SLC29A4: variants seen among roughly 807,000 people sequenced by gnomAD.
SLC29A4 encodes equilibrative nucleoside transporter 4.
In SLC29A4, 36 loss-of-function variants were observed where a neutral mutation model predicts 43.9. The observed-to-expected ratio is 0.82, with a 90% CI of 0.63 to 1.08. The LOEUF is 1.08. Ranked by LOEUF, SLC29A4 falls within the 50% of genes least tolerant of loss-of-function variation. The pLI, the probability that SLC29A4 is intolerant of heterozygous loss-of-function variation, is 0.00. For missense variants in SLC29A4, 869 were observed against 755.3 expected (o/e 1.15, Z -1.77); for synonymous variants, 491 against 338.0 (o/e 1.45, Z -4.97).
Position 5,302,845 on chromosome 7 carries a change from C to A in SLC29A4, c.1499C>A (p.Ala500Asp), listed in dbSNP as rs1406651458. 1 of 1,587,912 alleles carries A rather than the reference C, an allele frequency of 6.3e-7. No individual in the cohort carries two copies. Among genetic ancestry groups the A allele is most frequent in the Non-Finnish European group, 8.6e-7 (1 of 1,167,516 alleles). ...ATGTCAGGGCTGACGCTGGGGTCCG[C>A]CGTGGCCTACTGCACCTACAGCCTC... ...SYMSGLTLGS[A>D]VAYCTYSLTR... is the part of the protein sequence containing the mutation. Residue 500 changes from alanine (A) to aspartate (D), a missense_variant, in exon 11 of 11, where the codon GCC becomes GAC. Coordinates refer to ENST00000396872, the MANE Select transcript of SLC29A4 (RefSeq NM_153247.4).
chr7:5,306,700 G>A lies in SLC29A4; in HGVS notation c.*3761G>A, dbSNP rs1786537045. 1 of 152,066 alleles carries A rather than the reference G, an allele frequency of 6.6e-6. No individual in the cohort carries two copies. The highest frequency in any genetic ancestry group is 2.1e-4 in the South Asian group (1 of 4,830). 9.4% of individuals were successfully genotyped at this position (152,066 alleles called of 1,614,324 possible). A position where few individuals can be genotyped will look rare whatever the true frequency, so the allele number is the denominator to read the frequency against. The stretch of plus-strand genomic sequence containing the variant: ...CACGCGTGGCACCCAACTTCTTCCA[G>A]TCGAATCCTGCTTCTTGGTGCCCTG... On this transcript the variant is annotated 3_prime_UTR_variant, in exon 11 of 11. Transcript: ENST00000396872.
chr7:5,300,319 C>A, intron 9 of SLC29A4, 103 bp from the exon 10 acceptor site: 1 of 1,560,504 alleles, frequency 6.4e-7, no homozygotes. Flanking sequence ...CTGGACAGGC[C>A]CAGGAGTGTT....
chr7:5,296,955 C>A lies in SLC29A4; in HGVS notation c.639C>A (p.Ile213=). The A allele has an allele frequency of 1.3e-6, 2 of 1,575,132 alleles. No individual in the cohort carries two copies. The highest frequency in any genetic ancestry group is 2.2e-5 in the East Asian group (1 of 44,786). ...MTGESTAGVM[I]SLSRILTKLL... is the part of the protein sequence containing the mutation. ...CCCCAGGCACGGCGGGCGTGATGAT[C>A]TCTCTGAGCCGCATCCTCACGAAGC... The change falls in exon 7 of 11, where the codon ATC becomes ATA. Residue 213 remains isoleucine (I), a synonymous_variant. Coordinates refer to ENST00000396872, the MANE Select transcript of SLC29A4 (RefSeq NM_153247.4).
Position 5,300,517 on chromosome 7 carries a change from C to T in SLC29A4, c.1305C>T (p.Val435=). The change falls in exon 10 of 11, where the codon GTC becomes GTT. Residue 435 remains valine, a synonymous_variant. Coordinates refer to ENST00000396872, the MANE Select transcript of SLC29A4 (RefSeq NM_153247.4). ...TCATCCCCCTCTTCATCCTGTGCGT[C>T]TACCCCAGCGGCATGCCCGCCCTCC... ...VVFIPLFILC[V]YPSGMPALRH... is the part of the protein sequence containing the mutation. 1 of 1,612,216 alleles carries T rather than the reference C, an allele frequency of 6.2e-7. No homozygotes were observed. The highest frequency in any genetic ancestry group is 8.5e-7 in the Non-Finnish European group (1 of 1,179,788).
Position 5,291,178 on chromosome 7 carries a change from C to G in SLC29A4, c.356C>G (p.Ala119Gly), listed in dbSNP as rs746063078. ...ACCTACATCTTGGTGGCACTGGCAGCTGTCCTCCTGAACAACGTCCTGGTG... is the reference window on the plus strand; with the variant it reads ...ACCTACATCTTGGTGGCACTGGCAGGTGTCCTCCTGAACAACGTCCTGGTG... The part of the protein sequence containing the change: ...SLTYILVALA[A>G]VLLNNVLVER... Residue 119 changes from alanine (A) to glycine (G), a missense_variant, in exon 4 of 11, where the codon GCT becomes GGT. Ala to Gly is a moderately conservative substitution (Grantham distance 60). Coordinates refer to ENST00000396872, the MANE Select transcript of SLC29A4 (RefSeq NM_153247.4). 5.6e-6 allele frequency: 9 copies of G among 1,613,848 alleles called. No homozygotes were observed. Among genetic ancestry groups the G allele is most frequent in the Non-Finnish European group, 8.5e-7 (1 of 1,180,022 alleles).
At position 5,296,976 on chromosome 7, in the gene SLC29A4, G is replaced by A. The variant is rs138555653; in HGVS notation, c.660G>A (p.Thr220=). The A allele has an allele frequency of 1.9e-6, 3 of 1,601,422 alleles. No homozygotes were observed. Among genetic ancestry groups the A allele is most frequent in the East Asian group, 4.5e-5 (2 of 44,856 alleles). The change falls in exon 7 of 11, where the codon ACG becomes ACA. Residue 220 remains threonine, a synonymous_variant. Transcript: ENST00000396872. ...GVMISLSRIL[T]KLLLPDERAS... ...TGATCTCTCTGAGCCGCATCCTCAC[G>A]AAGCTGCTGCTGCCCGACGAGCGCG...
At position 5,292,946 on chromosome 7, in the gene SLC29A4, A is replaced by T. The variant is rs568876120; in HGVS notation, c.544+1125A>T. ...ACTCCTGACCTCAGGTGATCCGCCC[A>T]CCTCAGCCTCCCAAAGTGCTGGTAT... On this transcript the variant is annotated intron_variant, in intron 5 of 10. Transcript: ENST00000396872. Among the ~76,000 whole-genome samples the T allele has an allele frequency of 2.5e-4, 37 of 150,332 alleles. 1 individual carries two copies. The highest frequency in any genetic ancestry group is 2.0e-4 in the Admixed American group (3 of 15,128).
intron 1 of SLC29A4, 133 bp downstream of exon 1, chr7:5,283,215 C>G (rs1172703756): frequency 7.1e-6 from 1 of 140,436 alleles, no homozygotes; most frequent in Non-Finnish European, 1.6e-5. Flanking sequence ...CCGCCCCTGT[C>G]CCGGGAACCC....
At chr7:5,302,210 C>T (rs918192566) in intron 10 of SLC29A4, among the ~76,000 whole-genome samples, 1 of 152,080 alleles carries the variant, frequency 6.6e-6, no homozygotes, top group African/African-American at 2.4e-5. Context: ...CTCAGCCTCC[C>T]AAAGTGCTGG....
intron 5 of SLC29A4, among the ~76,000 whole-genome samples, chr7:5,292,160 G>C (rs1402235115): frequency 1.3e-5 from 2 of 152,192 alleles, no homozygotes; most frequent in African/African-American, 4.8e-5. Flanking sequence ...ACCCAGGCTA[G>C]AGTGCAGTGG....
chr7:5,291,055 C>T (rs772658007), intron 3 of SLC29A4, 69 bp from the exon 4 acceptor site: 16 of 1,566,852 alleles, frequency 1.0e-5, no homozygotes, highest in Non-Finnish European at 1.3e-5. Context: ...TCTGGGAGGT[C>T]TCACCTGGCA....
At chr7:5,301,907 C>G (rs772014793) in intron 10 of SLC29A4, among the ~76,000 whole-genome samples, 51 of 152,244 alleles carry the variant, frequency 3.3e-4, no homozygotes, top group Non-Finnish European at 6.2e-4. Context: ...CATGGGACAT[C>G]CCAAATTGTT....
intron 3 of SLC29A4, 61 bp from the exon 4 acceptor site, chr7:5,291,063 G>A: frequency 6.3e-7 from 1 of 1,586,754 alleles, no homozygotes; most frequent in African/African-American, 1.3e-5. Flanking sequence ...GTCTCACCTG[G>A]CAGGAGTCAG....
Position 5,291,707 on chromosome 7 carries a change from T to G in SLC29A4, c.430T>G (p.Leu144Val). Reference protein sequence around the residue: ...TRITAGYLLALGPLLFISICD... With the variant: ...TRITAGYLLAVGPLLFISICD... The stretch of plus-strand genomic sequence containing the variant: ...TCCCCCAACAGGCTACCTCTTAGCC[T>G]TGGGCCCTCTCCTTTTTATCAGCAT... The change falls in exon 5 of 11, where the codon TTG (leucine) becomes GTG (valine). Residue 144 changes from leucine to valine, a missense_variant. Coordinates refer to ENST00000396872, the MANE Select transcript of SLC29A4 (RefSeq NM_153247.4). 2 of 1,611,414 alleles carry G rather than the reference T, an allele frequency of 1.2e-6. No individual in the cohort carries two copies. Among genetic ancestry groups the G allele is most frequent in the Non-Finnish European group, 1.7e-6 (2 of 1,179,512 alleles).
At chr7:5,292,137 A>G (rs1309727931) in intron 5 of SLC29A4, among the ~76,000 whole-genome samples, 1 of 152,176 alleles carries the variant, frequency 6.6e-6, no homozygotes, top group Non-Finnish European at 1.5e-5. Flanking sequence ...AATGGCTTTG[A>G]TCTGACTTTG....
chr7:5,288,322 TTGAGA>T (rs1263079325), intron 2 of SLC29A4, among the ~76,000 whole-genome samples: 5 of 144,106 alleles, frequency 3.5e-5, no homozygotes, highest in Non-Finnish European at 6.0e-5. Flanking sequence ...TTTTTTTTTT[TTGAGA>T]CGGAGTCTCA....
intron 9 of SLC29A4, among the ~76,000 whole-genome samples, chr7:5,299,680 G>A (rs1302992432): frequency 6.6e-6 from 1 of 152,212 alleles, no homozygotes; most frequent in Non-Finnish European, 1.5e-5. Flanking sequence ...CTCGCCTCAC[G>A]ATCACAGGTC....
intron 1 of SLC29A4, among the ~76,000 whole-genome samples, chr7:5,287,417 G>GAAA (rs199755250): frequency 4.9e-5 from 6 of 121,490 alleles, no homozygotes; most frequent in Admixed American, 3.6e-4. Context: ...GACCCTGTCT[G>GAAA]AAAAAAAAAA....
intron 7 of SLC29A4, among the ~76,000 whole-genome samples, chr7:5,298,656 C>T (rs1031342484): frequency 6.6e-6 from 1 of 152,076 alleles, no homozygotes; most frequent in Non-Finnish European, 1.5e-5. Context: ...AAAAGATTGG[C>T]CTGGGTGATG....
Sources: gnomAD v4.1 joint callset for allele counts (sites outside exome capture counted in the v4.1 genomes callset) on GRCh38, gnomAD v4.1.1 for gene constraint, MANE v1.5 for transcripts, NCBI Gene and HGNC (gene_info 2026-07-23, HGNC 2026-07-21) for gene names.